ZNF841: variants seen among roughly 807,000 people sequenced by gnomAD.
ZNF841 encodes TCONS_00006091.
Under a neutral mutation model 13.0 loss-of-function variants are expected in ZNF841, and 11 were observed. The ratio of observed to expected loss-of-function variants is 0.85; its 90% CI spans 0.53 to 1.40. ZNF841 has a LOEUF of 1.40. Among genes scored for constraint, ZNF841 ranks in the 40% most tolerant of loss-of-function variants. The pLI, the probability that ZNF841 is intolerant of heterozygous loss-of-function variation, is 0.00. For missense variants in ZNF841, 1,068 were observed against 1,139.5 expected, an observed-to-expected ratio of 0.94 and a Z score of 0.90; for synonymous variants, 369 against 381.6, an observed-to-expected ratio of 0.97 and a Z score of 0.38.
intron 6 of ZNF841, among the ~76,000 whole-genome samples, chr19:52,075,440 C>T (rs1190955617): frequency 6.6e-6 from 1 of 152,136 alleles, no homozygotes; most frequent in Non-Finnish European, 1.5e-5. Flanking sequence ...TCTCAGGAGA[C>T]CCAACTCATT....
In ZNF841 at chr19:52,073,358, G is replaced by C. The variant is rs867259147; in HGVS notation, c.271+2686C>G. Among the ~76,000 whole-genome samples, 3 of 151,602 alleles carry C rather than the reference G, an allele frequency of 2.0e-5. 1 individual carries two copies. Among genetic ancestry groups the C allele is most frequent in the Middle Eastern group, 6.8e-3 (2 of 292 alleles). On this transcript the variant is annotated intron_variant, in intron 6 of 6. Transcript: ENST00000594440. ...CTGTCGCCCAGGCTGAAGTACAGCA[G>C]TGTGATCTCAGCTCAATGCAACCTC...
intron 3 of ZNF841, 106 bp from the exon 4 acceptor site, chr19:52,084,984 T>A (rs1170633934): frequency 1.6e-6 from 1 of 610,912 alleles, no homozygotes; most frequent in East Asian, 2.9e-5. Context: ...GACAGCCCAG[T>A]GCACCAGGGG....
chr19:52,059,386 TATATACAC>T, the ZNF841 span, among the ~76,000 whole-genome samples: 2 of 118,060 alleles, frequency 1.7e-5, no homozygotes, highest in South Asian at 6.6e-4. Context: ...TATATATATA[TATATACAC>T]ACACACACAC....
At chr19:52,069,993 A>T (rs1292908479) in intron 6 of ZNF841, among the ~76,000 whole-genome samples, 3 of 152,236 alleles carry the variant, frequency 2.0e-5, no homozygotes, top group African/African-American at 7.2e-5. Flanking sequence ...AACAGCATTA[A>T]CTTGTTTAAA....
In ZNF841 at chr19:52,079,055, T is replaced by G. The variant is rs1049231617; in HGVS notation, c.16-1971A>C. On this transcript the variant is annotated intron_variant, in intron 4 of 6. Transcript: ENST00000594440. ...AATTGTATTTCATTTACTTTGTACT[T>G]AGTACTTCATTTACTTATTTACTTA... Among the ~76,000 whole-genome samples, 5 of 47,890 alleles carry G rather than the reference T, an allele frequency of 1.0e-4. No homozygotes were observed. The African/African-American group carries it at 1.5e-3, about 15-fold the overall frequency. 31.4% of individuals were successfully genotyped at this position (47,890 alleles called of 152,430 possible). A position where few individuals can be genotyped will look rare whatever the true frequency, so the allele number is the denominator to read the frequency against.
intron 2 of ZNF841, among the ~76,000 whole-genome samples, chr19:52,090,856 C>T (rs191479973): frequency 1.1e-4 from 16 of 152,188 alleles, no homozygotes; most frequent in East Asian, 1.9e-4. Flanking sequence ...TCTGCCCTGC[C>T]GCCAGAAGGT....
In ZNF841 at chr19:52,076,111, A is replaced by G; in HGVS notation, c.204T>C (p.Thr68=). 1 of 1,557,062 alleles carries G rather than the reference A, an allele frequency of 6.4e-7. No individual in the cohort carries two copies. Among genetic ancestry groups the G allele is most frequent in the Non-Finnish European group, 8.7e-7 (1 of 1,149,630 alleles). Residue 68 remains threonine, a synonymous_variant, in exon 6 of 7, where the codon ACT becomes ACC. Coordinates refer to ENST00000594440, the MANE Select transcript of ZNF841 (RefSeq NM_001136499.2). ...SMLEQGKEPW[T]VVSQVKIARN... is the part of the protein sequence containing the mutation. ...TCGCTATTTTCACTTGGCTCACCAC[A>G]GTCCAGGGCTCTTTCCCTTGCTCCA...
chr19:52,076,680 A>G (rs985061955), intron 5 of ZNF841, among the ~76,000 whole-genome samples: 1 of 151,738 alleles, frequency 6.6e-6, no homozygotes, highest in Non-Finnish European at 1.5e-5. Context: ...ACAAGGATAG[A>G]AAACAGGAAG....
In ZNF841 at chr19:52,066,807, G is replaced by T; in HGVS notation, c.1075C>A (p.His359Asn). The T allele has an allele frequency of 1.2e-6, 2 of 1,614,002 alleles. No individual in the cohort carries two copies. Among genetic ancestry groups the T allele is most frequent in the South Asian group, 2.2e-5 (2 of 91,052 alleles). The change falls in exon 7 of 7, where the codon CAC becomes AAC. Residue 359 changes from histidine (H) to asparagine (N), a missense_variant. Physicochemically the swap from His to Asn is moderately conservative, Grantham distance 68 (BLOSUM62 1). Coordinates refer to ENST00000594440, the MANE Select transcript of ZNF841 (RefSeq NM_001136499.2). ...TGAATTCTCTGATGAACTGCAAGGTGGGAACTTTTACTAAAGGACTTGCCA... is the reference window on the plus strand; with the variant it reads ...TGAATTCTCTGATGAACTGCAAGGTTGGAACTTTTACTAAAGGACTTGCCA... ...ECGKSFSKSS[H>N]LAVHQRIHTG...
chr19:52,089,077 A>G (rs1048152489), intron 2 of ZNF841, 75 bp from the exon 3 acceptor site: 1 of 152,228 alleles, frequency 6.6e-6, no homozygotes, highest in Non-Finnish European at 1.5e-5. Flanking sequence ...ACTTTTTGCT[A>G]AATACCTTTT....
chr19:52,093,298 G>T (rs1004606802), intron 2 of ZNF841, among the ~76,000 whole-genome samples: 2 of 152,072 alleles, frequency 1.3e-5, no homozygotes, highest in African/African-American at 2.4e-5. Context: ...CTAAAAAGAA[G>T]AAAATCCTGC....
chr19:52,077,151 A>C (rs1487823711), intron 4 of ZNF841, 67 bp from the exon 5 acceptor site: 2 of 1,494,314 alleles, frequency 1.3e-6, no homozygotes, highest in East Asian at 4.7e-5. Flanking sequence ...AAATGAGAAG[A>C]GGAGAGAACT....
the ZNF841 span, chr19:52,058,808 C>A: frequency 6.5e-6 from 1 of 153,068 alleles, no homozygotes; most frequent in Non-Finnish European, 1.5e-5. Flanking sequence ...TCTATAATTT[C>A]TCAACTATAG....
At chr19:52,072,699 A>T (rs560893608) in intron 6 of ZNF841, among the ~76,000 whole-genome samples, 1 of 152,236 alleles carries the variant, frequency 6.6e-6, no homozygotes, top group South Asian at 2.1e-4. Flanking sequence ...GATGCCTGTA[A>T]TCCCAGCTAC....
intron 6 of ZNF841, among the ~76,000 whole-genome samples, chr19:52,073,547 G>C (rs2087803808): frequency 6.6e-6 from 1 of 152,070 alleles, no homozygotes; most frequent in South Asian, 2.1e-4. Context: ...ACCTCAAAAT[G>C]ATCCGCCTGC....
At chr19:52,076,520 C>T (rs1385774953) in intron 5 of ZNF841, 1 of 291,686 alleles carries the variant, frequency 3.4e-6, no homozygotes, top group Non-Finnish European at 6.6e-6. Flanking sequence ...TGTTGCACAC[C>T]CACAGTCCCA....
intron 1 of ZNF841, among the ~76,000 whole-genome samples, 167 bp downstream of exon 1, chr19:52,095,408 C>A (rs770079862): frequency 6.6e-6 from 1 of 152,130 alleles, no homozygotes; most frequent in African/African-American, 2.4e-5. Context: ...GGCGCTAGTC[C>A]ACATCCCGAA....
chr19:52,094,330 ACTGTCACGCATCTGGATGGGGTC>A (rs1341971298), intron 1 of ZNF841, among the ~76,000 whole-genome samples: 1 of 151,936 alleles, frequency 6.6e-6, no homozygotes, highest in Non-Finnish European at 1.5e-5. Context: ...TATCCAATCA[ACTGTCACGCATCTGGATGGGGTC>A]CTCTCCCGCT....
At chr19:52,075,858 GC>G (rs2087882250) in intron 6 of ZNF841, among the ~76,000 whole-genome samples, 185 bp downstream of exon 6, 2 of 152,204 alleles carry the variant, frequency 1.3e-5, no homozygotes, top group East Asian at 3.8e-4. Flanking sequence ...TTGAGCTGCA[GC>G]AACCCCTGGA....
Sources: allele counts gnomAD v4.1 joint callset (sites outside exome capture counted in the v4.1 genomes callset), GRCh38; gene constraint gnomAD v4.1.1; transcripts MANE v1.5; gene names NCBI Gene and HGNC (gene_info 2026-07-23, HGNC 2026-07-21).